Variants in MBNL1 observed in about 807,000 individuals in gnomAD.
MBNL1 encodes the protein muscleblind-like protein 1.
In MBNL1, 8 loss-of-function variants were observed where a neutral mutation model predicts 42.2. The ratio of observed to expected loss-of-function variants is 0.19; its 90% CI spans 0.11 to 0.34. The LOEUF is 0.34. Ranked by LOEUF, MBNL1 falls within the 10% of genes least tolerant of loss-of-function variation. The pLI, the probability that MBNL1 is intolerant of heterozygous loss-of-function variation, is 1.00. For synonymous variants in MBNL1, 169 were observed against 173.9 expected (o/e 0.97, Z 0.22); for missense variants, 309 against 495.3 (o/e 0.62, Z 3.57).
At chr3:152,293,440 G>A (rs2057068225) in intron 1 of MBNL1, among the ~76,000 whole-genome samples, 1 of 152,182 alleles carries the variant, frequency 6.6e-6, no homozygotes, top group Non-Finnish European at 1.5e-5. Flanking sequence ...TAATATTTGG[G>A]ACAAACCCTG....
At chr3:152,336,355 A>G (rs913635727) in intron 2 of MBNL1, among the ~76,000 whole-genome samples, 8 of 152,116 alleles carry the variant, frequency 5.3e-5, no homozygotes, top group Admixed American at 2.0e-4. Context: ...TTGATTTTTA[A>G]TTTTTTATTT....
chr3:152,321,989 T>C (rs2076724436), intron 2 of MBNL1, among the ~76,000 whole-genome samples: 1 of 152,090 alleles, frequency 6.6e-6, no homozygotes, highest in Non-Finnish European at 1.5e-5. Flanking sequence ...GACTGTTTAT[T>C]CTTGTTTTAG....
chr3:152,387,291 A>G (rs985739307), intron 2 of MBNL1, among the ~76,000 whole-genome samples: 2 of 149,054 alleles, frequency 1.3e-5, no homozygotes, highest in Admixed American at 1.4e-4. Flanking sequence ...CTGCGGTAGC[A>G]TAACCCTGCA....
chr3:152,312,208 A>AC (rs1389803298), intron 2 of MBNL1, among the ~76,000 whole-genome samples: 2 of 151,664 alleles, frequency 1.3e-5, no homozygotes, highest in African/African-American at 4.8e-5. Flanking sequence ...AAAAAAAAAA[A>AC]AAAAGAGATG....
At chr3:152,367,178 GC>G (rs1387635962) in intron 2 of MBNL1, among the ~76,000 whole-genome samples, 1 of 119,524 alleles carries the variant, frequency 8.4e-6, no homozygotes, top group East Asian at 2.4e-4. Context: ...CCCTCCCCTA[GC>G]CCCCCACCCC....
intron 2 of MBNL1, among the ~76,000 whole-genome samples, chr3:152,409,903 A>G (rs562948555): frequency 6.6e-6 from 1 of 152,242 alleles, no homozygotes; most frequent in South Asian, 2.1e-4. Context: ...GGATTTTGAT[A>G]TTTTTTGCTT....
At chr3:152,391,763 G>A (rs779484406) in intron 2 of MBNL1, among the ~76,000 whole-genome samples, 1 of 152,168 alleles carries the variant, frequency 6.6e-6, no homozygotes, top group Non-Finnish European at 1.5e-5. Flanking sequence ...AGGTGAAAAG[G>A]CAACTTTGAT....
At chr3:152,427,432 A>C (rs1429428107) in intron 3 of MBNL1, among the ~76,000 whole-genome samples, 9 of 152,140 alleles carry the variant, frequency 5.9e-5, no homozygotes, top group Admixed American at 5.9e-4. Context: ...TTTGTCACCC[A>C]GGCTAGAAGG....
rs145741345 is a variant in MBNL1 at position 152,371,932 on chromosome 3, T to C, written c.175-43009T>C. On this transcript the variant is annotated intron_variant, in intron 2 of 9. Transcript: ENST00000324210. ...TTCCATTCTCCCCATCATTTTCAGG[T>C]ACACCAGTCAAACATAGGTTTGGTC... Among the ~76,000 whole-genome samples the C allele has an allele frequency of 1.4e-4, 22 of 152,310 alleles. No individual in the cohort carries two copies. The East Asian group carries it at 3.9e-3, about 27-fold the overall frequency.
intron 3 of MBNL1, among the ~76,000 whole-genome samples, chr3:152,421,572 T>A (rs2098805599): frequency 6.6e-6 from 1 of 152,070 alleles, no homozygotes; most frequent in South Asian, 2.1e-4. Flanking sequence ...TGCAGAAAAT[T>A]CACATTCAGG....
At chr3:152,286,384 A>AT (rs1232523283) in intron 1 of MBNL1, among the ~76,000 whole-genome samples, 4 of 99,012 alleles carry the variant, frequency 4.0e-5, no homozygotes, top group African/African-American at 9.2e-5. Context: ...ATAAATATTT[A>AT]ATTATATTTT....
intron 2 of MBNL1, among the ~76,000 whole-genome samples, chr3:152,255,817 T>G (rs544319004): frequency 6.6e-6 from 1 of 152,208 alleles, no homozygotes; most frequent in African/African-American, 2.4e-5. Flanking sequence ...AGCTAAGACC[T>G]GAACAGTGAG....
At chr3:152,364,037 A>G (rs771395549) in intron 2 of MBNL1, among the ~76,000 whole-genome samples, 14 of 152,120 alleles carry the variant, frequency 9.2e-5, no homozygotes, top group Non-Finnish European at 1.6e-4. Flanking sequence ...CTTTTTCATA[A>G]TAAGACTATT....
rs1001515719 is a variant in MBNL1 at position 152,365,734 on chromosome 3, A to G, written c.175-49207A>G. 3.9e-5 allele frequency among the ~76,000 whole-genome samples: 6 copies of G among 152,284 alleles called. No homozygotes were observed. In the East Asian group the frequency reaches 7.7e-4, roughly 20 times the overall value. The stretch of plus-strand genomic sequence containing the variant: ...AGAACTATATTATTTTAATTATGCA[A>G]TTCTATTAAACATCTGTTAAAAGGC... On this transcript the variant is annotated intron_variant, in intron 2 of 9. Coordinates refer to ENST00000324210, the MANE Select transcript of MBNL1 (RefSeq NM_021038.5).
rs552469828 is a variant in MBNL1 at position 152,331,690 on chromosome 3, T to A, written c.174+31323T>A. Among the ~76,000 whole-genome samples, 5 of 152,216 alleles carry A rather than the reference T, an allele frequency of 3.3e-5. No homozygotes were observed. The South Asian group carries it at 1.0e-3, about 32-fold the overall frequency. ...TCATTTACATGTATTACTTCAAATG[T>A]TATTGATTGATTGATTGATTGATTG... is the stretch of plus-strand genomic sequence containing the variant. On this transcript the variant is annotated intron_variant, in intron 2 of 9. Transcript: ENST00000324210.
At chr3:152,301,959 T>A (rs2060887421) in intron 2 of MBNL1, 1 of 152,216 alleles carries the variant, frequency 6.6e-6, no homozygotes, top group Non-Finnish European at 1.5e-5. Flanking sequence ...TGAAGGACAT[T>A]AAATTTGGCT....
chr3:152,431,208 C>T (rs1489909777), intron 3 of MBNL1, among the ~76,000 whole-genome samples: 1 of 152,144 alleles, frequency 6.6e-6, no homozygotes, highest in Admixed American at 6.5e-5. Flanking sequence ...GGACACTTAG[C>T]AGCATCCCTG....
At chr3:152,397,428 A>G (rs2098014034) in intron 2 of MBNL1, among the ~76,000 whole-genome samples, 2 of 151,438 alleles carry the variant, frequency 1.3e-5, no homozygotes, top group Admixed American at 1.3e-4. Flanking sequence ...TGATTGTTCA[A>G]CTCCTACTTA....
At chr3:152,363,559 TA>T (rs1261378588) in intron 2 of MBNL1, among the ~76,000 whole-genome samples, 3 of 152,184 alleles carry the variant, frequency 2.0e-5, no homozygotes, top group Non-Finnish European at 4.4e-5. Flanking sequence ...TGTCCAGTGT[TA>T]AACTATTACT....
Sources: allele counts gnomAD v4.1 joint callset (sites outside exome capture counted in the v4.1 genomes callset), GRCh38; gene constraint gnomAD v4.1.1; transcripts MANE v1.5; gene names NCBI Gene and HGNC (gene_info 2026-07-23, HGNC 2026-07-21).